The following GRIA3 variants were observed in gnomAD, a reference collection of about 807,000 sequenced individuals.
The protein encoded by GRIA3 is glutamate ionotropic receptor AMPA type subunit 3, also known as glutamate receptor 3.
In GRIA3, 3 loss-of-function variants were observed where a neutral mutation model predicts 63.0. The ratio of observed to expected loss-of-function variants is 0.05; its 90% CI spans 0.02 to 0.12. GRIA3 has a LOEUF of 0.12. Among genes scored for constraint, GRIA3 ranks in the 10% least tolerant of loss-of-function variants. GRIA3 has a pLI of 1.00. For missense variants in GRIA3, 347 were observed against 700.9 expected (o/e 0.50, Z 5.70); for synonymous variants, 274 against 257.9 (o/e 1.06, Z -0.60).
intron 10 of GRIA3, among the ~76,000 whole-genome samples, chrX:123,408,704 A>C (rs1291136846): frequency 6.2e-5 from 7 of 112,002 alleles, no homozygotes; most frequent in Non-Finnish European, 1.3e-4. Context: ...CAAAAGCAAT[A>C]GCCGGGGAGG....
intron 5 of GRIA3, among the ~76,000 whole-genome samples, chrX:123,375,322 G>A (rs1569427033): frequency 8.9e-6 from 1 of 112,012 alleles, no homozygotes; most frequent in Non-Finnish European, 1.9e-5. Context: ...TTAACATATT[G>A]TTGAATTCAG....
intron 2 of GRIA3, among the ~76,000 whole-genome samples, chrX:123,197,131 G>C (rs999454782): frequency 8.9e-6 from 1 of 112,089 alleles, no homozygotes; most frequent in African/African-American, 3.3e-5. Context: ...GATATCCACT[G>C]CCTGGATGAC....
intron 11 of GRIA3, among the ~76,000 whole-genome samples, chrX:123,418,176 A>C (rs771238447): frequency 1.8e-5 from 2 of 111,845 alleles, no homozygotes; most frequent in Admixed American, 1.9e-4. Context: ...AATTTAAAAG[A>C]ACATAGAACT....
rs765846194 is a variant in GRIA3, at chrX:123,348,039, T to C, written c.697-6871T>C. Among the ~76,000 whole-genome samples, 7 of 111,635 alleles carry C rather than the reference T, an allele frequency of 6.3e-5. No individual in the cohort carries two copies. The South Asian group carries it at 2.7e-3, about 42-fold the overall frequency. The stretch of plus-strand genomic sequence containing the variant: ...AGTAACTACTCAGCCATATACCCGA[T>C]GGTGCCATTCCTTAAAAAATAAAAA... On this transcript the variant is annotated intron_variant, in intron 4 of 15. Coordinates refer to ENST00000620443, the MANE Select transcript of GRIA3 (RefSeq NM_007325.5).
At position 123,254,146 on chromosome X, in the gene GRIA3, G is replaced by T. The variant is rs184725558; in HGVS notation, c.508+604G>T. 4.2e-3 allele frequency among the ~76,000 whole-genome samples: 470 copies of T among 111,184 alleles called. 1 individual carries two copies. The highest frequency in any genetic ancestry group is 0.013 in the African/African-American group (405 of 30,638). Reference sequence around the variant, plus strand: ...GGATTGACTTTTTGTTTTGTTTTTGGTTTTGTTTTTGTTTTTGTTTTGTTT... The same window carrying T: ...GGATTGACTTTTTGTTTTGTTTTTGTTTTTGTTTTTGTTTTTGTTTTGTTT... On this transcript the variant is annotated intron_variant, in intron 3 of 15. Transcript: ENST00000620443.
At chrX:123,415,036 C>T (rs769035448) in intron 10 of GRIA3, among the ~76,000 whole-genome samples, 1 of 112,403 alleles carries the variant, frequency 8.9e-6, no homozygotes, top group South Asian at 3.8e-4. Flanking sequence ...ACACTCCCAA[C>T]AACAGTGTAA....
intron 4 of GRIA3, among the ~76,000 whole-genome samples, chrX:123,349,133 A>G (rs1156407177): frequency 8.9e-6 from 1 of 112,426 alleles, no homozygotes; most frequent in Non-Finnish European, 1.9e-5. Flanking sequence ...AATTAAGTAA[A>G]TAATAGTCAT....
At chrX:123,482,236 C>A (rs1332908000) in intron 14 of GRIA3, among the ~76,000 whole-genome samples, 1 of 112,014 alleles carries the variant, frequency 8.9e-6, no homozygotes, top group East Asian at 2.8e-4. Context: ...TTTAAGCAAA[C>A]CCTTGCAAAA....
intron 3 of GRIA3, among the ~76,000 whole-genome samples, chrX:123,278,431 A>T (rs1004035850): frequency 8.9e-6 from 1 of 112,043 alleles, no homozygotes; most frequent in Non-Finnish European, 1.9e-5. Flanking sequence ...ACTTTAATAT[A>T]GTCCCATTTG....
intron 3 of GRIA3, among the ~76,000 whole-genome samples, chrX:123,297,014 T>A (rs987629237): frequency 8.1e-5 from 9 of 111,500 alleles, no homozygotes; most frequent in African/African-American, 2.9e-4. Flanking sequence ...TATTCAAGCA[T>A]GCCTCTCCCA....
intron 1 of GRIA3, 155 bp downstream of exon 1, chrX:123,184,799 G>T: frequency 2.0e-6 from 1 of 501,403 alleles, no homozygotes; most frequent in Non-Finnish European, 3.6e-6. Context: ...GCGGGGGGCG[G>T]GGCGGGGGGA....
chrX:123,300,806 G>C (rs1240626201), intron 3 of GRIA3, among the ~76,000 whole-genome samples: 1 of 110,115 alleles, frequency 9.1e-6, no homozygotes, highest in African/African-American at 3.3e-5. Flanking sequence ...TGGGCATTTA[G>C]TGCTATAAAT....
intron 2 of GRIA3, among the ~76,000 whole-genome samples, chrX:123,241,183 T>C (rs1325217258): frequency 8.9e-6 from 1 of 111,756 alleles, no homozygotes; most frequent in African/African-American, 3.3e-5. Context: ...CGAAGCAGAC[T>C]GACCAAATTG....
intron 11 of GRIA3, among the ~76,000 whole-genome samples, chrX:123,426,927 T>G (rs770284384): frequency 6.4e-4 from 71 of 111,505 alleles, no homozygotes; most frequent in Non-Finnish European, 1.1e-3. Context: ...TCGTTTTCTG[T>G]GTGTGGGGGT....
intron 5 of GRIA3, among the ~76,000 whole-genome samples, chrX:123,372,891 T>TTA (rs1392111176): frequency 1.8e-5 from 2 of 109,463 alleles, no homozygotes; most frequent in African/African-American, 3.3e-5. Flanking sequence ...TTTTTTATAT[T>TTA]TATATATATA....
At chrX:123,457,833 C>T (rs185741757) in intron 12 of GRIA3, among the ~76,000 whole-genome samples, 78 of 111,257 alleles carry the variant, frequency 7.0e-4, no homozygotes, top group South Asian at 7.7e-4. Flanking sequence ...GTCAAGACCA[C>T]GAGAAGAGAT....
At chrX:123,192,755 T>C (rs950758351) in intron 2 of GRIA3, among the ~76,000 whole-genome samples, 1 of 111,774 alleles carries the variant, frequency 8.9e-6, no homozygotes, top group Non-Finnish European at 1.9e-5. Flanking sequence ...ACACAGCTGA[T>C]AATGATCCCT....
At position 123,256,504 on chromosome X, in the gene GRIA3, G is replaced by C. The variant is rs1157110707; in HGVS notation, c.508+2962G>C. 2.7e-5 allele frequency among the ~76,000 whole-genome samples: 3 copies of C among 111,430 alleles called. No homozygotes were observed. The Admixed American group carries it at 2.9e-4, about 11-fold the overall frequency. Reference sequence around the variant, plus strand: ...AAGGAGGCAGCATGTGAAGAGTAGAGGGAAATAGTTTCAAGCAGTAGAAAT... The same window carrying C: ...AAGGAGGCAGCATGTGAAGAGTAGACGGAAATAGTTTCAAGCAGTAGAAAT... On this transcript the variant is annotated intron_variant, in intron 3 of 15. Coordinates refer to ENST00000620443, the MANE Select transcript of GRIA3 (RefSeq NM_007325.5).
intron 4 of GRIA3, among the ~76,000 whole-genome samples, chrX:123,327,694 T>G (rs1405795452): frequency 9.0e-6 from 1 of 110,536 alleles, no homozygotes; most frequent in Non-Finnish European, 1.9e-5. Flanking sequence ...AAATACAAAG[T>G]GTCCCCTTGT....
Sources: allele counts gnomAD v4.1 joint callset (sites outside exome capture counted in the v4.1 genomes callset), GRCh38; gene constraint gnomAD v4.1.1; transcripts MANE v1.5; gene names NCBI Gene and HGNC (gene_info 2026-07-23, HGNC 2026-07-21).